DMD: variants seen among roughly 807,000 people sequenced by gnomAD.
DMD encodes the protein mutant dystrophin.
DMD carries 63 observed loss-of-function variants against 330.1 expected under a neutral mutation model. The ratio of observed to expected loss-of-function variants is 0.19; its 90% confidence interval spans 0.16 to 0.24. The LOEUF (loss-of-function observed/expected upper bound fraction) is 0.24, where lower values mean the gene tolerates loss of function less well. Among genes scored for constraint, DMD ranks in the 10% least tolerant of loss-of-function variants. DMD has a pLI of 1.00. For missense variants in DMD, 3,344 were observed against 2,684.1 expected, an observed-to-expected ratio of 1.25 and a Z score of -5.43; for synonymous variants, 1,223 against 959.8, an observed-to-expected ratio of 1.27 and a Z score of -5.07.
intron 1 of DMD, among the ~76,000 whole-genome samples, chrX:33,268,209 C>T (rs777946852): frequency 4.5e-5 from 5 of 110,631 alleles, no homozygotes; most frequent in South Asian, 3.9e-4. Flanking sequence ...AGGCTGCTTT[C>T]GAACTCCTGG....
chrX:32,782,156 C>A (rs2074832628), intron 7 of DMD, among the ~76,000 whole-genome samples: 1 of 111,455 alleles, frequency 9.0e-6, no homozygotes, highest in South Asian at 3.7e-4. Context: ...CAGATAATTT[C>A]ACAGATCATG....
intron 43 of DMD, among the ~76,000 whole-genome samples, chrX:32,217,462 A>G (rs1423541018): frequency 9.0e-6 from 1 of 111,605 alleles, no homozygotes; most frequent in Non-Finnish European, 1.9e-5. Context: ...ATTCCCTTTC[A>G]AAATATTTTT....
intron 54 of DMD, among the ~76,000 whole-genome samples, chrX:31,648,721 T>C (rs1369423095): frequency 9.9e-6 from 1 of 100,660 alleles, no homozygotes; most frequent in East Asian, 3.1e-4. Context: ...TAGGGGGAAA[T>C]TGGAAAGATT....
intron 60 of DMD, among the ~76,000 whole-genome samples, chrX:31,404,322 C>G (rs1371703418): frequency 8.9e-6 from 1 of 111,752 alleles, no homozygotes; most frequent in Admixed American, 9.6e-5. Context: ...GTAGCCACAG[C>G]CTTCATTTGC....
intron 62 of DMD, among the ~76,000 whole-genome samples, chrX:31,296,024 C>T (rs1266479958): frequency 3.0e-5 from 3 of 99,760 alleles, no homozygotes; most frequent in Non-Finnish European, 6.0e-5. Flanking sequence ...ACATTAAGAA[C>T]TTTGGTAACT....
chrX:31,537,151 C>T (rs998431241), intron 55 of DMD, among the ~76,000 whole-genome samples: 1 of 111,946 alleles, frequency 8.9e-6, no homozygotes, highest in Non-Finnish European at 1.9e-5. Context: ...TTCCTTGTTG[C>T]TAAATTAATA....
intron 67 of DMD, among the ~76,000 whole-genome samples, chrX:31,193,340 A>G (rs1434022473): frequency 8.9e-6 from 1 of 112,421 alleles, no homozygotes; most frequent in Non-Finnish European, 1.9e-5. Context: ...ATTCCAAGAC[A>G]AAAATAGTAT....
chrX:32,437,419 A>G (rs770534499), intron 29 of DMD, among the ~76,000 whole-genome samples: 4 of 111,711 alleles, frequency 3.6e-5, no homozygotes, highest in Non-Finnish European at 5.6e-5. Context: ...TGACTATTCA[A>G]TAAGTCATTA....
At chrX:32,766,769 C>G (rs780311870) in intron 7 of DMD, among the ~76,000 whole-genome samples, 1 of 111,485 alleles carries the variant, frequency 9.0e-6, no homozygotes, top group Non-Finnish European at 1.9e-5. Flanking sequence ...GAGTACACTT[C>G]AAATGTTCTC....
At chrX:32,769,886 G>A (rs2073417056) in intron 7 of DMD, among the ~76,000 whole-genome samples, 1 of 110,769 alleles carries the variant, frequency 9.0e-6, no homozygotes, top group Non-Finnish European at 1.9e-5. Context: ...CCAGCTTCAT[G>A]GAATAGTCAT....
intron 62 of DMD, chrX:31,261,290 G>A (rs961668978): frequency 6.2e-6 from 2 of 321,602 alleles, no homozygotes; most frequent in South Asian, 8.0e-5. Flanking sequence ...TCGCACTTCA[G>A]TTATGATAAA....
chrX:31,577,169 A>C (rs944324080), intron 55 of DMD, among the ~76,000 whole-genome samples: 7 of 112,858 alleles, frequency 6.2e-5, no homozygotes, highest in African/African-American at 2.3e-4. Flanking sequence ...ATTAATTTTT[A>C]CAAAATGTAT....
intron 1 of DMD, among the ~76,000 whole-genome samples, chrX:33,308,086 T>TA (rs1444125113): frequency 8.9e-6 from 1 of 112,394 alleles, no homozygotes; most frequent in Non-Finnish European, 1.9e-5. Context: ...AATGCGCAGT[T>TA]GATTTATACT....
chrX:32,117,376 A>C (rs2146708327), intron 44 of DMD, among the ~76,000 whole-genome samples: 1 of 111,937 alleles, frequency 8.9e-6, no homozygotes, highest in African/African-American at 3.2e-5. Context: ...ATTTGATACA[A>C]GCAAAGGTTA....
At chrX:33,273,637 A>G (rs1211255989) in intron 1 of DMD, among the ~76,000 whole-genome samples, 1 of 112,382 alleles carries the variant, frequency 8.9e-6, no homozygotes, top group African/African-American at 3.2e-5. Context: ...AAGGGCCCAC[A>G]TGAAGCCATA....
chrX:32,055,449 C>T (rs56912725), intron 44 of DMD, among the ~76,000 whole-genome samples: 35,275 of 110,372 alleles, frequency 0.32, 5,374 homozygotes, highest in African/African-American at 0.6. Context: ...AGTTCTAGTG[C>T]TCTATACGAC....
At chrX:32,205,032 C>T (rs1313323463) in intron 44 of DMD, among the ~76,000 whole-genome samples, 1 of 87,281 alleles carries the variant, frequency 1.1e-5, no homozygotes, top group Non-Finnish European at 2.3e-5. Flanking sequence ...CACACACACA[C>T]ACACACACAC....
At position 31,797,530 on chromosome X, in the gene DMD, T is replaced by C. The variant is rs186392896; in HGVS notation, c.7309+22445A>G. 1.6e-3 allele frequency among the ~76,000 whole-genome samples: 183 copies of C among 112,185 alleles called. 1 individual carries two copies. Among genetic ancestry groups the C allele is most frequent in the Non-Finnish European group, 2.0e-3 (104 of 53,252 alleles). The stretch of plus-strand genomic sequence containing the variant: ...TCTTAAATTAATACTCACCATGTGA[T>C]GCAATTTAAAAAACAATTATATTTA... On this transcript the variant is annotated intron_variant, in intron 50 of 78. Transcript: ENST00000357033.
intron 7 of DMD, among the ~76,000 whole-genome samples, chrX:32,779,879 G>T (rs528000706): frequency 9.0e-6 from 1 of 111,098 alleles, no homozygotes; most frequent in South Asian, 3.7e-4. Flanking sequence ...ATCAAAAAAA[G>T]AAAAATTTTA....
Sources: gnomAD v4.1 joint callset for allele counts (sites outside exome capture counted in the v4.1 genomes callset) on GRCh38, gnomAD v4.1.1 for gene constraint, MANE v1.5 for transcripts, NCBI Gene and HGNC (gene_info 2026-07-23, HGNC 2026-07-21) for gene names.